TMEM245: variants seen among roughly 807,000 people sequenced by gnomAD.
TMEM245 encodes the protein transmembrane protein 245.
In TMEM245, 69 loss-of-function variants were observed where a neutral mutation model predicts 101.2. The ratio of observed to expected loss-of-function variants is 0.68; its 90% CI spans 0.56 to 0.83. The LOEUF is 0.83. Ranked by LOEUF, TMEM245 falls within the 40% of genes least tolerant of loss-of-function variation. The pLI is 0.00. For synonymous variants in TMEM245, 537 were observed against 449.8 expected (o/e 1.19, Z -2.45); for missense variants, 1,075 against 1,092.8 (o/e 0.98, Z 0.23).
In TMEM245 at chr9:109,078,302, T is replaced by G. The variant is rs1481535393; in HGVS notation, c.1449+2537A>C. ...TTTAGTCATATTTGTTTAAATAAAT[T>G]AAAAGAAGACAGGGGAAAATATAAC... is the stretch of plus-strand genomic sequence containing the variant. On this transcript the variant is annotated intron_variant, in intron 8 of 17. Coordinates refer to ENST00000374586, the MANE Select transcript of TMEM245 (RefSeq NM_032012.4). Among the ~76,000 whole-genome samples, 5 of 152,308 alleles carry G rather than the reference T, an allele frequency of 3.3e-5. No homozygotes were observed. In the East Asian group the frequency reaches 5.8e-4, roughly 18 times the overall value.
chr9:109,042,785 CT>C (rs375150588), intron 14 of TMEM245, among the ~76,000 whole-genome samples: 25 of 147,902 alleles, frequency 1.7e-4, no homozygotes, highest in African/African-American at 5.0e-4. Flanking sequence ...CTTATAAGAA[CT>C]TTTTTTTTAA....
intron 3 of TMEM245, among the ~76,000 whole-genome samples, chr9:109,098,126 T>C (rs1189808248): frequency 6.6e-6 from 1 of 152,168 alleles, no homozygotes; most frequent in Non-Finnish European, 1.5e-5. Context: ...TTAGTAGACA[T>C]TTTTAGATCT....
At chr9:109,060,677 C>CTT (rs1465674295) in intron 10 of TMEM245, among the ~76,000 whole-genome samples, 1 of 152,164 alleles carries the variant, frequency 6.6e-6, no homozygotes, top group Non-Finnish European at 1.5e-5. Flanking sequence ...TCTTAGGTCT[C>CTT]TAAGAGAGCT....
chr9:109,023,605 C>T (rs148032876), intron 17 of TMEM245, among the ~76,000 whole-genome samples: 2,334 of 152,182 alleles, frequency 0.015, 27 homozygotes, highest in Non-Finnish European at 0.024. Context: ...GAGGCCGAGG[C>T]AGGTGGATCA....
intron 9 of TMEM245, 41 bp from the exon 10 acceptor site, chr9:109,064,608 C>G: frequency 6.5e-7 from 1 of 1,541,818 alleles, no homozygotes; most frequent in Non-Finnish European, 8.9e-7. Context: ...AGTACACTTT[C>G]TGTGTAGTGT....
intron 9 of TMEM245, among the ~76,000 whole-genome samples, chr9:109,066,749 A>G (rs1376087231): frequency 6.6e-6 from 1 of 151,922 alleles, no homozygotes; most frequent in East Asian, 1.9e-4. Context: ...ACTCTCCTGT[A>G]GTGTTATTCA....
intron 9 of TMEM245, among the ~76,000 whole-genome samples, chr9:109,071,233 C>T (rs900055790): frequency 6.6e-6 from 1 of 151,984 alleles, no homozygotes; most frequent in African/African-American, 2.4e-5. Flanking sequence ...TATCATTAGT[C>T]CATTTTTTTT....
chr9:109,031,831 T>A (rs1298363464), intron 17 of TMEM245, among the ~76,000 whole-genome samples: 1 of 152,388 alleles, frequency 6.6e-6, no homozygotes, highest in East Asian at 1.9e-4. Context: ...AACATTATAA[T>A]TTATTTTATG....
intron 1 of TMEM245, among the ~76,000 whole-genome samples, chr9:109,116,174 T>C (rs1056471776): frequency 1.3e-5 from 2 of 152,184 alleles, no homozygotes; most frequent in Non-Finnish European, 2.9e-5. Flanking sequence ...TCTCTCTGCC[T>C]CTCTCATCTA....
At chr9:109,085,055 C>G (rs1401944336) in intron 7 of TMEM245, among the ~76,000 whole-genome samples, 3 of 152,276 alleles carry the variant, frequency 2.0e-5, no homozygotes, top group Non-Finnish European at 4.4e-5. Flanking sequence ...TATGTTTAAA[C>G]ACAACATATA....
intron 12 of TMEM245, among the ~76,000 whole-genome samples, chr9:109,051,337 C>CACACACACAT (rs1828677388): frequency 6.6e-6 from 1 of 150,730 alleles, no homozygotes; most frequent in Admixed American, 6.6e-5. Context: ...CACACACACA[C>CACACACACAT]ACATCATTGT....
At chr9:109,080,690 G>C in intron 8 of TMEM245, 149 bp downstream of exon 8, 1 of 485,822 alleles carries the variant, frequency 2.1e-6, no homozygotes, top group Non-Finnish European at 3.7e-6. Flanking sequence ...GGCAAAATTA[G>C]TAATATACAA....
intron 4 of TMEM245, among the ~76,000 whole-genome samples, chr9:109,091,603 T>TA (rs1429509833): frequency 6.6e-6 from 1 of 152,154 alleles, no homozygotes; most frequent in African/African-American, 2.4e-5. Flanking sequence ...TTATTTCACC[T>TA]AAAATGGAAC....
Position 109,073,439 on chromosome 9 carries a change from C to T in TMEM245, c.1450-1G>A. On this transcript the variant is annotated splice_acceptor_variant, in intron 8 of 17. Coordinates refer to ENST00000374586, the MANE Select transcript of TMEM245 (RefSeq NM_032012.4). LOFTEE classifies it high-confidence loss of function. ...TCATGTGTACACTCTCTTGATGTAC[C>T]TGTATTACAGATAAAGAAAGAAAAG... The T allele has an allele frequency of 1.3e-6, 2 of 1,592,598 alleles. No homozygotes were observed. Among genetic ancestry groups the T allele is most frequent in the Non-Finnish European group, 1.7e-6 (2 of 1,164,038 alleles).
chr9:109,056,695 G>A (rs1221279390), intron 12 of TMEM245, among the ~76,000 whole-genome samples: 2 of 152,122 alleles, frequency 1.3e-5, no homozygotes, highest in Non-Finnish European at 2.9e-5. Context: ...ACAAGTTTAT[G>A]CACAAGAAAA....
chr9:109,066,597 T>A (rs1829177004), intron 9 of TMEM245, among the ~76,000 whole-genome samples: 1 of 151,962 alleles, frequency 6.6e-6, no homozygotes. Context: ...CGGGAGAAAT[T>A]AAGTAGCTTT....
At chr9:109,042,029 T>C (rs1195653861) in intron 14 of TMEM245, among the ~76,000 whole-genome samples, 1 of 152,136 alleles carries the variant, frequency 6.6e-6, no homozygotes, top group Non-Finnish European at 1.5e-5. Context: ...GATAAAGTTT[T>C]ATTTGACTTT....
intron 12 of TMEM245, among the ~76,000 whole-genome samples, chr9:109,052,166 G>C (rs903790250): frequency 6.6e-6 from 1 of 152,062 alleles, no homozygotes. Flanking sequence ...TTCCTAAGTG[G>C]ACTATCCTTC....
chr9:109,073,709 G>A (rs1415409806), intron 8 of TMEM245, among the ~76,000 whole-genome samples: 1 of 152,190 alleles, frequency 6.6e-6, no homozygotes, highest in African/African-American at 2.4e-5. Context: ...TACTTGACAC[G>A]TATATGTACA....
Sources: gnomAD v4.1 joint callset for allele counts (sites outside exome capture counted in the v4.1 genomes callset) on GRCh38, gnomAD v4.1.1 for gene constraint, MANE v1.5 for transcripts, NCBI Gene and HGNC (gene_info 2026-07-23, HGNC 2026-07-21) for gene names.